AK7: variants seen among roughly 807,000 people sequenced by gnomAD.
AK7 encodes the protein ATP-AMP transphosphorylase 7.
AK7 carries 78 observed loss-of-function variants against 96.6 expected under a neutral mutation model. The ratio of observed to expected loss-of-function variants is 0.81; its 90% CI spans 0.67 to 0.97. AK7 has a LOEUF of 0.97. Among genes scored for constraint, AK7 ranks in the 50% least tolerant of loss-of-function variants. The pLI, the probability that AK7 is intolerant of heterozygous loss-of-function variation, is 0.00. For synonymous variants in AK7, 302 were observed against 317.2 expected, an observed-to-expected ratio of 0.95 and a Z score of 0.51; for missense variants, 855 against 887.9, an observed-to-expected ratio of 0.96 and a Z score of 0.47.
chr14:96,399,493 T>C lies in AK7; in HGVS notation c.294+1230T>C, dbSNP rs146220915. ...CCTGCTGGCCACCAGCCTCTTTCTC[T>C]GCCCCGGCCCCTGCCACCACTGAAC... On this transcript the variant is annotated intron_variant, in intron 2 of 17. Transcript: ENST00000267584. This position sits in a 1 kb window ranked among gnomAD's most constrained non-coding sequence, Gnocchi z 4.1. Among the ~76,000 whole-genome samples, 30 of 152,338 alleles carry C rather than the reference T, an allele frequency of 2.0e-4. No homozygotes were observed. Among genetic ancestry groups the C allele is most frequent in the African/African-American group, 7.2e-4 (30 of 41,588 alleles).
At chr14:96,448,864 G>A (rs905005731) in intron 8 of AK7, among the ~76,000 whole-genome samples, 2 of 152,060 alleles carry the variant, frequency 1.3e-5, no homozygotes, top group Non-Finnish European at 2.9e-5. Flanking sequence ...GCTGAGGCAG[G>A]AGAATTGCTT....
rs751991167 is a variant in AK7, at chr14:96,408,919, C to T, written c.476C>T (p.Ala159Val). Residue 159 changes from alanine to valine, a missense_variant, in exon 4 of 18, where the codon GCG becomes GTG. Transcript: ENST00000267584. Reference protein sequence around the residue: ...FILLSTVMTWARSKALDPEDS... With the variant: ...FILLSTVMTWVRSKALDPEDS... ...TTACTGTCGACGGTGATGACTTGGG[C>T]GCGCTCCAAAGCCCTGGACCCCGTA... 8.7e-6 allele frequency: 14 copies of T among 1,614,200 alleles called. No homozygotes were observed. Among genetic ancestry groups the T allele is most frequent in the East Asian group, 2.2e-5 (1 of 44,884 alleles).
chr14:96,473,124 T>A (rs1251021640), intron 14 of AK7, among the ~76,000 whole-genome samples: 1 of 151,464 alleles, frequency 6.6e-6, no homozygotes, highest in African/African-American at 2.4e-5. Flanking sequence ...TTTCTCTTTG[T>A]TTTCCCCGGT....
At position 96,488,446 on chromosome 14, in the gene AK7, C is replaced by T. The variant is rs958718920; in HGVS notation, c.*103C>T. 1 of 1,059,648 alleles carries T rather than the reference C, an allele frequency of 9.4e-7. No individual in the cohort carries two copies. Among genetic ancestry groups the T allele is most frequent in the South Asian group, 1.7e-5 (1 of 59,678 alleles). The allele number at this position is 1,059,648 out of a possible 1,614,324, so 65.6% of individuals were successfully genotyped here. A position where few individuals can be genotyped will look rare whatever the true frequency, so the allele number is the denominator to read the frequency against. ...ATGCTTTTCCAGTTCTTAGAAAATTCTTTTTTTGTAGACAAATATTCTATA... is the reference window on the plus strand; with the variant it reads ...ATGCTTTTCCAGTTCTTAGAAAATTTTTTTTTTGTAGACAAATATTCTATA... On this transcript the variant is annotated 3_prime_UTR_variant, in exon 18 of 18. Coordinates refer to ENST00000267584, the MANE Select transcript of AK7 (RefSeq NM_152327.5).
chr14:96,397,133 C>G (rs1890126530), intron 1 of AK7, among the ~76,000 whole-genome samples: 1 of 152,084 alleles, frequency 6.6e-6, no homozygotes, highest in Non-Finnish European at 1.5e-5. Flanking sequence ...TGGAGATGTA[C>G]TTTCAGTGTA....
At position 96,437,890 on chromosome 14, in the gene AK7, GA is replaced by G. The variant is rs760376366; in HGVS notation, c.666del (p.Gly223AlafsTer27). 6.2e-7 allele frequency: 1 copy of G among 1,613,842 alleles called. No homozygotes were observed. ...GCTGGACTCCAGTATGGAGCGGAAG[GA>G]GGCATGTTACACACATTTTTTAAGG... Reference protein sequence around the residue: ...VAAGLQYGAEGGMLHTFFKMA... With the variant: ...VAAGLQYGAEXGMLHTFFKMA... On this transcript the variant is annotated frameshift_variant, in exon 6 of 18. Transcript: ENST00000267584. LOFTEE classifies it high-confidence loss of function.
At chr14:96,448,681 T>A (rs1053263826) in intron 8 of AK7, among the ~76,000 whole-genome samples, 12 of 129,306 alleles carry the variant, frequency 9.3e-5, no homozygotes, top group Admixed American at 1.7e-4. Context: ...CATGGCCAGG[T>A]GTGGTAACTC....
At chr14:96,414,968 T>C (rs1891246496) in intron 4 of AK7, among the ~76,000 whole-genome samples, 2 of 151,984 alleles carry the variant, frequency 1.3e-5, no homozygotes, top group Admixed American at 6.6e-5. Context: ...TTGCCCAGGC[T>C]GGTCTCAAAT....
chr14:96,485,912 C>T (rs1694410929), intron 16 of AK7, among the ~76,000 whole-genome samples: 2 of 151,832 alleles, frequency 1.3e-5, no homozygotes, highest in Admixed American at 6.6e-5. Flanking sequence ...TCTCCTGCCT[C>T]AGCCTCCTGA....
chr14:96,481,300 C>G (rs931494642), intron 15 of AK7, among the ~76,000 whole-genome samples: 16 of 152,130 alleles, frequency 1.1e-4, no homozygotes, highest in African/African-American at 3.4e-4. Context: ...AAGGTTGTAA[C>G]TACTCAGAGT....
intron 14 of AK7, among the ~76,000 whole-genome samples, chr14:96,476,644 A>G (rs1240854326): frequency 6.6e-6 from 1 of 152,182 alleles, no homozygotes; most frequent in Non-Finnish European, 1.5e-5. Context: ...AGGACAATAG[A>G]TGTTCTGAAT....
intron 10 of AK7, among the ~76,000 whole-genome samples, chr14:96,454,315 T>C (rs1214039813): frequency 6.6e-6 from 1 of 152,170 alleles, no homozygotes; most frequent in Non-Finnish European, 1.5e-5. Context: ...TTTGGACCAT[T>C]TTGAAATAAA....
rs78299659 is a variant in AK7, at chr14:96,400,419, G to T, written c.294+2156G>T. Among the ~76,000 whole-genome samples the T allele has an allele frequency of 2.7e-3, 417 of 152,270 alleles. 1 individual carries two copies. Among genetic ancestry groups the T allele is most frequent in the African/African-American group, 9.5e-3 (394 of 41,552 alleles). ...ATCTCTATCAATTGGGGCTGTGTTGGACCGCATGTAATAGAAAACAGAGGT... is the reference window on the plus strand; with the variant it reads ...ATCTCTATCAATTGGGGCTGTGTTGTACCGCATGTAATAGAAAACAGAGGT... On this transcript the variant is annotated intron_variant, in intron 2 of 17. Transcript: ENST00000267584.
chr14:96,484,212 A>C (rs570638189), intron 16 of AK7, among the ~76,000 whole-genome samples: 1 of 152,294 alleles, frequency 6.6e-6, no homozygotes, highest in Non-Finnish European at 1.5e-5. Flanking sequence ...ACAGCACTCC[A>C]GCCTGGATGA....
chr14:96,451,381 A>G (rs1265137930), intron 9 of AK7, 40 bp from the exon 10 acceptor site: 13 of 1,499,478 alleles, frequency 8.7e-6, no homozygotes, highest in Non-Finnish European at 1.1e-5. Context: ...TCAGAATTAA[A>G]CAAAAAAAGA....
At chr14:96,415,887 T>G (rs1257252636) in intron 4 of AK7, among the ~76,000 whole-genome samples, 4 of 151,940 alleles carry the variant, frequency 2.6e-5, no homozygotes, top group Non-Finnish European at 5.9e-5. Context: ...GGTTTTTCCC[T>G]TAGAACCTGT....
chr14:96,405,906 C>G (rs888619531), intron 3 of AK7, among the ~76,000 whole-genome samples: 1 of 152,126 alleles, frequency 6.6e-6, no homozygotes, highest in Non-Finnish European at 1.5e-5. Flanking sequence ...TCCAAAGCAA[C>G]CTCTTTTTTT....
At chr14:96,449,053 G>A (rs1025559362) in intron 8 of AK7, among the ~76,000 whole-genome samples, 4 of 151,966 alleles carry the variant, frequency 2.6e-5, no homozygotes, top group Non-Finnish European at 4.4e-5. Context: ...CACCTTCTCC[G>A]TGCGTCCTCA....
intron 12 of AK7, among the ~76,000 whole-genome samples, chr14:96,464,666 T>C (rs575902483): frequency 6.6e-6 from 1 of 151,974 alleles, no homozygotes; most frequent in Non-Finnish European, 1.5e-5. Context: ...AGAACATAAG[T>C]ATGCTATGTT....
Sources: gnomAD v4.1 joint callset for allele counts (sites outside exome capture counted in the v4.1 genomes callset) on GRCh38, gnomAD v4.1.1 for gene constraint, Gnocchi (gnomAD v3.1) non-coding constraint, MANE v1.5 for transcripts, NCBI Gene and HGNC (gene_info 2026-07-23, HGNC 2026-07-21) for gene names.